The following EFHC1 variants were observed in gnomAD, a reference collection of about 807,000 sequenced individuals.
EFHC1 encodes the protein EF-hand domain containing 1.
In EFHC1, 53 loss-of-function variants were observed where a neutral mutation model predicts 69.9. The observed-to-expected ratio is 0.76, with a 90% CI of 0.61 to 0.95. The LOEUF is 0.95. EFHC1 is among the 40% of genes least tolerant of loss of function. The pLI, the probability that EFHC1 is intolerant of heterozygous loss-of-function variation, is 0.00. For missense variants in EFHC1, 739 were observed against 798.7 expected (o/e 0.93, Z 0.90); for synonymous variants, 256 against 278.4 (o/e 0.92, Z 0.80).
rs60720755 is a variant in EFHC1, at chr6:52,493,386, T to TATATATATGTATATATATA, written c.*1045_*1046insATATATATGTATATATATA. ...TCTACATATATATATATATATATATTTTATATGTACACATTCATACACACA... is the reference window on the plus strand; with the variant it reads ...TCTACATATATATATATATATATATTATATATATGTATATATATATTATATGTACACATTCATACACACA... On this transcript the variant is annotated 3_prime_UTR_variant, in exon 11 of 11. Coordinates refer to ENST00000371068, the MANE Select transcript of EFHC1 (RefSeq NM_018100.4). 1.7e-5 allele frequency: 2 copies of TATATATATGTATATATATA among 120,250 alleles called. No homozygotes were observed. Among genetic ancestry groups the TATATATATGTATATATATA allele is most frequent in the African/African-American group, 8.7e-5 (2 of 23,084 alleles). The allele number at this position is 120,250 out of a possible 1,614,324, so 7.4% of individuals were successfully genotyped here.
rs575721640 is a variant in EFHC1, at chr6:52,482,474, G to C, written c.1640+2687G>C. The C allele has an allele frequency of 7.0e-4, 168 of 239,390 alleles. 1 individual carries two copies. In the East Asian group the frequency reaches 0.012, roughly 17 times the overall value. 14.8% of individuals were successfully genotyped at this position (239,390 alleles called of 1,614,324 possible). A position where few individuals can be genotyped will look rare whatever the true frequency, so the allele number is the denominator to read the frequency against. ...AACACTGATAACATTAATAATTAAA[G>C]TGTTTTATTTCTTTATAAAAACTTT... On this transcript the variant is annotated intron_variant, in intron 9 of 10. Coordinates refer to ENST00000371068, the MANE Select transcript of EFHC1 (RefSeq NM_018100.4).
At chr6:52,449,260 G>C (rs1764861940) in intron 3 of EFHC1, among the ~76,000 whole-genome samples, 1 of 152,000 alleles carries the variant, frequency 6.6e-6, no homozygotes, top group South Asian at 2.1e-4. Context: ...GCAGGCGCCT[G>C]TAGTCCCAGC....
At position 52,493,611 on chromosome 6, in the gene EFHC1, C is replaced by G. The variant is rs2114041689; in HGVS notation, c.*1270C>G. Reference sequence around the variant, plus strand: ...AGGTTGCAGTGAGCCAAGACCACGCCACTGCACTCCATCCAGCCTGGGTGA... The same window carrying G: ...AGGTTGCAGTGAGCCAAGACCACGCGACTGCACTCCATCCAGCCTGGGTGA... On this transcript the variant is annotated 3_prime_UTR_variant, in exon 11 of 11. Coordinates refer to ENST00000371068, the MANE Select transcript of EFHC1 (RefSeq NM_018100.4). 1 of 452,258 alleles carries G rather than the reference C, an allele frequency of 2.2e-6. No individual in the cohort carries two copies. Among genetic ancestry groups the G allele is most frequent in the Middle Eastern group, 6.9e-4 (1 of 1,440 alleles). 28.0% of individuals were successfully genotyped at this position (452,258 alleles called of 1,614,324 possible).
intron 3 of EFHC1, 84 bp downstream of exon 3, chr6:52,438,675 G>T: frequency 1.4e-6 from 2 of 1,448,688 alleles, no homozygotes; most frequent in East Asian, 2.3e-5. Context: ...TTAGGGTAAG[G>T]GGAGGACATT....
intron 10 of EFHC1, 115 bp downstream of exon 10, chr6:52,490,465 A>G (rs1292626336): frequency 1.2e-6 from 1 of 862,464 alleles, no homozygotes; most frequent in Non-Finnish European, 1.9e-6. Context: ...GGATGTTCAG[A>G]TCAGATCTAC....
chr6:52,465,885 GTTTA>G (rs1765296440), intron 6 of EFHC1, among the ~76,000 whole-genome samples: 1 of 147,666 alleles, frequency 6.8e-6, no homozygotes, highest in Non-Finnish European at 1.5e-5. Context: ...AAATCATATT[GTTTA>G]TAATATATGA....
At chr6:52,443,301 A>G (rs150224001) in intron 3 of EFHC1, among the ~76,000 whole-genome samples, 59 of 152,286 alleles carry the variant, frequency 3.9e-4, no homozygotes, top group African/African-American at 1.3e-3. Context: ...ATTACATCCC[A>G]TTGGTCAATT....
chr6:52,439,361 A>G (rs780817535), intron 3 of EFHC1, among the ~76,000 whole-genome samples: 1 of 152,296 alleles, frequency 6.6e-6, no homozygotes, highest in South Asian at 2.1e-4. Flanking sequence ...CTGAGCTCCT[A>G]TGAATCCATT....
rs1447986096 is a variant in EFHC1, at chr6:52,494,010, T to C, written c.*1669T>C. 1 of 454,116 alleles carries C rather than the reference T, an allele frequency of 2.2e-6. No individual in the cohort carries two copies. The highest frequency in any genetic ancestry group is 1.6e-5 in the South Asian group (1 of 64,476). 28.1% of individuals were successfully genotyped at this position (454,116 alleles called of 1,614,324 possible). A position where few individuals can be genotyped will look rare whatever the true frequency, so the allele number is the denominator to read the frequency against. ...TGTATTATGTTGATTCCTTTTCTGT[T>C]CCAGGTTATTATCTTGGGAATAACC... On this transcript the variant is annotated 3_prime_UTR_variant, in exon 11 of 11. Coordinates refer to ENST00000371068, the MANE Select transcript of EFHC1 (RefSeq NM_018100.4).
At chr6:52,471,040 T>G (rs942214316) in intron 7 of EFHC1, among the ~76,000 whole-genome samples, 8 of 152,214 alleles carry the variant, frequency 5.3e-5, no homozygotes, top group Non-Finnish European at 1.2e-4. Flanking sequence ...CACTTGAAGG[T>G]GCTGGACAAC....
intron 4 of EFHC1, chr6:52,453,883 T>C (rs1238022257): frequency 2.4e-5 from 33 of 1,402,618 alleles, no homozygotes; most frequent in Non-Finnish European, 2.3e-5. Context: ...ATCCTATTAT[T>C]TAATTCTTTC....
chr6:52,492,608 C>G lies in EFHC1; in HGVS notation c.*267C>G, dbSNP rs1433057874. On this transcript the variant is annotated 3_prime_UTR_variant, in exon 11 of 11. Transcript: ENST00000371068. The stretch of plus-strand genomic sequence containing the variant: ...GGGGGCCCAAATATTTCCTTTCTTT[C>G]TTTTTAAAAAAATAAATTTTTTTAG... 3.5e-6 allele frequency: 2 copies of G among 573,304 alleles called. No homozygotes were observed. The highest frequency in any genetic ancestry group is 4.4e-5 in the Admixed American group (2 of 45,880). 35.5% of individuals were successfully genotyped at this position (573,304 alleles called of 1,614,324 possible).
intron 2 of EFHC1, among the ~76,000 whole-genome samples, chr6:52,436,965 A>G (rs1764547933): frequency 6.6e-6 from 1 of 152,170 alleles, no homozygotes. Flanking sequence ...TTAAATGTGT[A>G]ATCTATATAT....
intron 2 of EFHC1, among the ~76,000 whole-genome samples, chr6:52,432,607 C>G (rs868615685): frequency 5.3e-5 from 8 of 152,094 alleles, no homozygotes; most frequent in Admixed American, 2.0e-4. Context: ...TATAGGTTAC[C>G]TGGTGCATTT....
intron 7 of EFHC1, among the ~76,000 whole-genome samples, chr6:52,476,860 G>C (rs569582392): frequency 6.6e-6 from 1 of 152,254 alleles, no homozygotes; most frequent in East Asian, 1.9e-4. Context: ...GTGAGAAACA[G>C]GGTGAAATTT....
chr6:52,482,607 T>C (rs1765704483), intron 9 of EFHC1: 5 of 388,462 alleles, frequency 1.3e-5, no homozygotes, highest in Admixed American at 4.5e-5. Context: ...CTGTTTAAGA[T>C]TGGATCAACT....
At chr6:52,490,909 T>C (rs1251538666) in intron 10 of EFHC1, 1 of 156,138 alleles carries the variant, frequency 6.4e-6, no homozygotes, top group Non-Finnish European at 1.4e-5. Context: ...ATAAACCCTT[T>C]AGCCAGGGTT....
At chr6:52,461,989 CAT>C (rs1437464526) in intron 5 of EFHC1, among the ~76,000 whole-genome samples, 1 of 151,788 alleles carries the variant, frequency 6.6e-6, no homozygotes, top group African/African-American at 2.4e-5. Context: ...AAAAATATAG[CAT>C]AATAGTGGGA....
chr6:52,421,036 G>A, intron 1 of EFHC1: 1 of 1,002,378 alleles, frequency 1.0e-6, no homozygotes. Flanking sequence ...TGTTTTGTAT[G>A]TATATCGATT....
Sources: allele counts gnomAD v4.1 joint callset (sites outside exome capture counted in the v4.1 genomes callset), GRCh38; gene constraint gnomAD v4.1.1; transcripts MANE v1.5; gene names NCBI Gene and HGNC (gene_info 2026-07-23, HGNC 2026-07-21).